Variants in PVT1 observed in about 807,000 individuals in gnomAD.
The protein encoded by PVT1 is CXCR4/PVT1 fusion.
chr8:127,853,867 C>G (rs538103643), intron 2 of PVT1, among the ~76,000 whole-genome samples: 10 of 152,204 alleles, frequency 6.6e-5, no homozygotes, highest in Admixed American at 3.3e-4. Context: ...CTTTTTAAGT[C>G]TACGAGCATC....
chr8:127,906,884 C>T (rs545370027), intron 3 of PVT1, among the ~76,000 whole-genome samples: 9 of 151,910 alleles, frequency 5.9e-5, no homozygotes, highest in Non-Finnish European at 1.0e-4. Flanking sequence ...TGAAAACAGG[C>T]TCGGAGAGGC....
chr8:128,059,279 G>A (rs1813801724), intron 4 of PVT1, among the ~76,000 whole-genome samples: 1 of 152,138 alleles, frequency 6.6e-6, no homozygotes, highest in African/African-American at 2.4e-5. Context: ...CAACACAGGT[G>A]AATGCTCAGC....
chr8:127,832,228 A>G (rs564188272), intron 2 of PVT1, among the ~76,000 whole-genome samples: 1 of 152,254 alleles, frequency 6.6e-6, no homozygotes, highest in Admixed American at 6.5e-5. Flanking sequence ...GAACCCAGTG[A>G]AGGGAGGATC....
intron 2 of PVT1, among the ~76,000 whole-genome samples, chr8:127,814,879 A>C (rs1464311836): frequency 2.0e-5 from 3 of 152,168 alleles, no homozygotes; most frequent in Non-Finnish European, 4.4e-5. Context: ...GTTTCTATGA[A>C]TCTAACTACC....
At chr8:127,973,230 T>C (rs1816783502) in intron 3 of PVT1, among the ~76,000 whole-genome samples, 2 of 152,066 alleles carry the variant, frequency 1.3e-5, no homozygotes. Context: ...CTGTGTGCCC[T>C]CCCTTGCCAT....
At chr8:127,954,043 G>A (rs1472449922) in intron 3 of PVT1, among the ~76,000 whole-genome samples, 2 of 152,106 alleles carry the variant, frequency 1.3e-5, no homozygotes, top group Non-Finnish European at 2.9e-5. Flanking sequence ...ACAACCATAT[G>A]CAAAAAGAAA....
chr8:128,048,999 CTG>C (rs1813653401), intron 4 of PVT1, among the ~76,000 whole-genome samples: 1 of 152,230 alleles, frequency 6.6e-6, no homozygotes, highest in African/African-American at 2.4e-5. Flanking sequence ...CCACTGGACT[CTG>C]TGTTCTGCAG....
chr8:127,972,033 G>T (rs976990836), intron 3 of PVT1, among the ~76,000 whole-genome samples: 1 of 152,206 alleles, frequency 6.6e-6, no homozygotes, highest in Non-Finnish European at 1.5e-5. Context: ...CTTCACTGGG[G>T]CTGGGAAAGG....
chr8:128,087,519 G>A (rs181000464), intron 5 of PVT1, among the ~76,000 whole-genome samples: 7 of 152,170 alleles, frequency 4.6e-5, no homozygotes, highest in South Asian at 2.1e-4. Flanking sequence ...CACAACTGCC[G>A]TTTTAGTTAA....
At chr8:127,846,322 CT>C (rs1815033414) in intron 2 of PVT1, among the ~76,000 whole-genome samples, 1 of 152,190 alleles carries the variant, frequency 6.6e-6, no homozygotes, top group South Asian at 2.1e-4. Flanking sequence ...CCTTATCTCC[CT>C]ACTAAACAGG....
chr8:127,802,019 G>A (rs1221475807), intron 2 of PVT1, among the ~76,000 whole-genome samples: 1 of 151,752 alleles, frequency 6.6e-6, no homozygotes, highest in African/African-American at 2.4e-5. Flanking sequence ...GGGTTCAAGC[G>A]ATTCTCCTGC....
At chr8:128,015,034 A>G (rs74536755) in intron 4 of PVT1, among the ~76,000 whole-genome samples, 2,475 of 151,890 alleles carry the variant, frequency 0.016, 65 homozygotes, top group African/African-American at 0.056. Context: ...TCCTCACCTA[A>G]GAGAAAGAAA....
intron 4 of PVT1, among the ~76,000 whole-genome samples, chr8:128,056,844 G>A (rs1392752643): frequency 1.3e-5 from 2 of 152,252 alleles, no homozygotes. Flanking sequence ...CGGGTCCCTG[G>A]CAGCCCATGC....
At chr8:127,859,818 C>G (rs778463779) in intron 2 of PVT1, among the ~76,000 whole-genome samples, 1 of 151,866 alleles carries the variant, frequency 6.6e-6, no homozygotes, top group African/African-American at 2.4e-5. Context: ...CCATCTAGGT[C>G]GAAGGTAGTT....
At chr8:128,044,550 A>G (rs1030798882) in intron 4 of PVT1, among the ~76,000 whole-genome samples, 3 of 152,178 alleles carry the variant, frequency 2.0e-5, no homozygotes, top group Admixed American at 2.0e-4. Flanking sequence ...AATCTAAATC[A>G]TTACTACCTC....
chr8:127,975,706 C>T (rs966850244), intron 3 of PVT1, among the ~76,000 whole-genome samples: 8 of 152,140 alleles, frequency 5.3e-5, no homozygotes, highest in African/African-American at 1.9e-4. Flanking sequence ...ACAGTTGTCC[C>T]CCTAGATTTG....
intron 2 of PVT1, among the ~76,000 whole-genome samples, chr8:127,818,592 C>T (rs776325518): frequency 1.9e-4 from 29 of 152,262 alleles, no homozygotes; most frequent in Admixed American, 3.3e-4. Flanking sequence ...CCAGAAGCCA[C>T]AAAAAATTGC....
In PVT1 at chr8:127,947,407, C is replaced by T. The variant is rs1191732360; in HGVS notation, n.783-41755C>T. ...GGCAAAAACGGAACCACGAACAAGC[C>T]GTTGAAAGTCCCCTCATCCTGGACC... On this transcript the variant is annotated intron_variant and non_coding_transcript_variant, in intron 3 of 10. Transcript: ENST00000651587. 7 of 244,600 alleles carry T rather than the reference C, an allele frequency of 2.9e-5. 1 individual carries two copies. The highest frequency in any genetic ancestry group is 4.4e-5 in the African/African-American group (2 of 45,414). The allele number at this position is 244,600 out of a possible 1,614,324, so 15.2% of individuals were successfully genotyped here.
At chr8:128,033,043 A>C (rs1586489940) in intron 4 of PVT1, among the ~76,000 whole-genome samples, 3 of 152,052 alleles carry the variant, frequency 2.0e-5, no homozygotes, top group African/African-American at 4.8e-5. Flanking sequence ...TAGGGTGAAG[A>C]CCTGTTTGCA....
Sources: gnomAD v4.1 joint callset for allele counts (sites outside exome capture counted in the v4.1 genomes callset) on GRCh38, gnomAD v4.1.1 for gene constraint, MANE v1.5 for transcripts, NCBI Gene and HGNC (gene_info 2026-07-23, HGNC 2026-07-21) for gene names.